Variants in GRXCR1 observed in about 807,000 individuals in gnomAD.
The protein encoded by GRXCR1 is glutaredoxin and cysteine rich domain containing 1.
Under a neutral mutation model 27.3 loss-of-function variants are expected in GRXCR1, and 27 were observed. That is an observed-to-expected ratio of 0.99 (90% confidence interval 0.73 to 1.37). The LOEUF is 1.37. Among genes scored for constraint, GRXCR1 ranks in the 40% most tolerant of loss-of-function variants. GRXCR1 has a pLI of 0.00. For missense variants in GRXCR1, 379 were observed against 354.4 expected, an observed-to-expected ratio of 1.07 and a Z score of -0.56; for synonymous variants, 122 against 131.1, an observed-to-expected ratio of 0.93 and a Z score of 0.47.
intron 2 of GRXCR1, among the ~76,000 whole-genome samples, chr4:42,964,608 A>G (rs758377579): frequency 3.3e-5 from 5 of 152,048 alleles, no homozygotes; most frequent in Non-Finnish European, 7.4e-5. Context: ...GCTCCAAGTG[A>G]CAGAGCTGGC....
chr4:42,987,263 T>G (rs1346077162), intron 2 of GRXCR1, among the ~76,000 whole-genome samples: 1 of 76,890 alleles, frequency 1.3e-5, no homozygotes, highest in South Asian at 3.4e-4. Flanking sequence ...ATATATATAA[T>G]ATATATATAT....
intron 1 of GRXCR1, among the ~76,000 whole-genome samples, chr4:42,925,529 A>G (rs1747139872): frequency 6.6e-6 from 1 of 151,940 alleles, no homozygotes; most frequent in Non-Finnish European, 1.5e-5. Flanking sequence ...TTTTCCGGCA[A>G]TTTGGTTATC....
Position 42,893,448 on chromosome 4 carries a change from A to T in GRXCR1, c.182A>T (p.Gln61Leu). 3 of 1,613,922 alleles carry T rather than the reference A, an allele frequency of 1.9e-6. No individual in the cohort carries two copies. Among genetic ancestry groups the T allele is most frequent in the Non-Finnish European group, 2.5e-6 (3 of 1,179,864 alleles). Residue 61 changes from glutamine to leucine, a missense_variant, in exon 1 of 4, where the codon CAG becomes CTG. Transcript: ENST00000399770. Reference protein sequence around the residue: ...GIDGLGDSDGQQNGHIESEGD... With the variant: ...GIDGLGDSDGLQNGHIESEGD... Reference sequence around the variant, plus strand: ...GATGGACTAGGTGATTCCGATGGACAGCAGAATGGCCACATAGAGTCAGAA... The same window carrying T: ...GATGGACTAGGTGATTCCGATGGACTGCAGAATGGCCACATAGAGTCAGAA...
chr4:43,011,268 A>G (rs1397657050), intron 2 of GRXCR1, among the ~76,000 whole-genome samples: 1 of 152,130 alleles, frequency 6.6e-6, no homozygotes, highest in East Asian at 1.9e-4. Context: ...GCCTACCTGG[A>G]GTCTCATGAA....
At chr4:42,931,272 T>G (rs1258634557) in intron 1 of GRXCR1, among the ~76,000 whole-genome samples, 3 of 152,008 alleles carry the variant, frequency 2.0e-5, no homozygotes, top group African/African-American at 7.2e-5. Context: ...AGTATAATAA[T>G]CAAAGTTTTG....
At chr4:42,909,051 A>G (rs1388872222) in intron 1 of GRXCR1, among the ~76,000 whole-genome samples, 1 of 152,172 alleles carries the variant, frequency 6.6e-6, no homozygotes, top group Non-Finnish European at 1.5e-5. Context: ...ACATGCGGGG[A>G]TGCCCCAGTG....
chr4:42,937,519 T>G (rs922545777), intron 1 of GRXCR1, among the ~76,000 whole-genome samples: 4 of 151,922 alleles, frequency 2.6e-5, no homozygotes, highest in Non-Finnish European at 4.4e-5. Flanking sequence ...TATATGTGGG[T>G]ATGCTATCCT....
chr4:43,014,268 G>C (rs1229667185), intron 2 of GRXCR1, among the ~76,000 whole-genome samples: 1 of 152,074 alleles, frequency 6.6e-6, no homozygotes, highest in Admixed American at 6.6e-5. Flanking sequence ...ATGGGGTCTG[G>C]TCATGCACTG....
At chr4:42,968,146 C>T (rs74638037) in intron 2 of GRXCR1, among the ~76,000 whole-genome samples, 4,647 of 152,152 alleles carry the variant, frequency 0.031, 78 homozygotes, top group South Asian at 0.058. Context: ...TCTTGGTCTT[C>T]CGACTCTCAA....
At chr4:42,944,215 A>C (rs1747692063) in intron 1 of GRXCR1, among the ~76,000 whole-genome samples, 1 of 152,114 alleles carries the variant, frequency 6.6e-6, no homozygotes, top group Non-Finnish European at 1.5e-5. Context: ...GACCAACCAA[A>C]GGGAAGATCA....
intron 3 of GRXCR1, among the ~76,000 whole-genome samples, chr4:43,028,557 G>T (rs1057147604): frequency 4.6e-5 from 7 of 152,194 alleles, no homozygotes; most frequent in African/African-American, 1.4e-4. Context: ...AATATTTTTA[G>T]CATATTTAAT....
At chr4:42,909,651 T>C (rs758114741) in intron 1 of GRXCR1, among the ~76,000 whole-genome samples, 29 of 152,210 alleles carry the variant, frequency 1.9e-4, no homozygotes, top group Non-Finnish European at 3.7e-4. Flanking sequence ...TTTACGTCTA[T>C]GTTGCAGTAT....
intron 2 of GRXCR1, among the ~76,000 whole-genome samples, chr4:43,005,018 A>G (rs1164678322): frequency 1.3e-5 from 2 of 152,170 alleles, no homozygotes; most frequent in Non-Finnish European, 2.9e-5. Flanking sequence ...TGTAATCCCC[A>G]CATATTGGGG....
chr4:42,997,447 C>T lies in GRXCR1; in HGVS notation c.628-22907C>T, dbSNP rs1050982227. On this transcript the variant is annotated intron_variant, in intron 2 of 3. Coordinates refer to ENST00000399770, the MANE Select transcript of GRXCR1 (RefSeq NM_001080476.3). Reference sequence around the variant, plus strand: ...AATATGTAGCTGAAAATGTATAAACCGTGTTTTTTTATTTTCTGTATCTTC... The same window carrying T: ...AATATGTAGCTGAAAATGTATAAACTGTGTTTTTTTATTTTCTGTATCTTC... Among the ~76,000 whole-genome samples, 10 of 152,156 alleles carry T rather than the reference C, an allele frequency of 6.6e-5. No individual in the cohort carries two copies. In the East Asian group the frequency reaches 7.7e-4, roughly 12 times the overall value.
At chr4:42,973,847 A>G (rs1382542006) in intron 2 of GRXCR1, among the ~76,000 whole-genome samples, 2 of 152,174 alleles carry the variant, frequency 1.3e-5, no homozygotes, top group African/African-American at 4.8e-5. Flanking sequence ...ATGAAATGAG[A>G]TGAAGCATAA....
At chr4:43,027,167 C>G (rs1387356844) in intron 3 of GRXCR1, among the ~76,000 whole-genome samples, 5 of 152,086 alleles carry the variant, frequency 3.3e-5, no homozygotes, top group Non-Finnish European at 1.5e-5. Flanking sequence ...CTAATAATAA[C>G]TAACTGTATT....
At chr4:43,006,727 A>G (rs1467896043) in intron 2 of GRXCR1, among the ~76,000 whole-genome samples, 3 of 152,116 alleles carry the variant, frequency 2.0e-5, no homozygotes, top group Non-Finnish European at 4.4e-5. Flanking sequence ...GCCTTGTGAT[A>G]TTCTATTACC....
intron 1 of GRXCR1, among the ~76,000 whole-genome samples, chr4:42,953,837 G>A (rs1481331392): frequency 6.6e-6 from 1 of 151,926 alleles, no homozygotes. Flanking sequence ...TTTACTGAGA[G>A]TTCATGATTC....
Position 42,960,287 on chromosome 4 carries a change from T to C in GRXCR1, c.385-2605T>C, listed in dbSNP as rs181117489. On this transcript the variant is annotated intron_variant, in intron 1 of 3. Transcript: ENST00000399770. ...TGGTAGAAAACTAATGCAGTAATAG[T>C]AGTCTTTGTATTCAGAGGAAAAATG... Among the ~76,000 whole-genome samples, 18 of 152,064 alleles carry C rather than the reference T, an allele frequency of 1.2e-4. No individual in the cohort carries two copies. In the East Asian group the frequency reaches 3.5e-3, roughly 29 times the overall value.
Sources: allele counts gnomAD v4.1 joint callset (sites outside exome capture counted in the v4.1 genomes callset), GRCh38; gene constraint gnomAD v4.1.1; transcripts MANE v1.5; gene names NCBI Gene and HGNC (gene_info 2026-07-23, HGNC 2026-07-21).